SLC16A10: variants seen among roughly 807,000 people sequenced by gnomAD.
The protein encoded by SLC16A10 is monocarboxylate transporter 10.
A neutral mutation model predicts 40.0 loss-of-function variants in SLC16A10; 27 were observed. The observed-to-expected ratio is 0.67, with a 90% CI of 0.50 to 0.93. The LOEUF (loss-of-function observed/expected upper bound fraction) is 0.93. SLC16A10 is among the 40% of genes least tolerant of loss of function. The pLI, the probability that SLC16A10 is intolerant of heterozygous loss-of-function variation, is 0.00. For synonymous variants in SLC16A10, 213 were observed against 249.8 expected (o/e 0.85, Z 1.39); for missense variants, 529 against 658.2 (o/e 0.80, Z 2.15).
At chr6:111,093,363 A>G (rs1191344433) in intron 1 of SLC16A10, among the ~76,000 whole-genome samples, 1 of 152,240 alleles carries the variant, frequency 6.6e-6, no homozygotes, top group African/African-American at 2.4e-5. Flanking sequence ...AGATGGTTAC[A>G]GTCACAAAGT....
intron 1 of SLC16A10, among the ~76,000 whole-genome samples, chr6:111,100,957 TCC>T (rs139750875): frequency 0.52 from 39,844 of 77,036 alleles, 7,990 homozygotes; most frequent in Non-Finnish European, 0.54. Flanking sequence ...GCTCTTTCTC[TCC>T]CTCTCTCTCT....
At position 111,177,389 on chromosome 6, in the gene SLC16A10, G is replaced by C; in HGVS notation, c.666G>C (p.Arg222Ser). The change falls in exon 3 of 6, where the codon AGG becomes AGC. Residue 222 changes from arginine (R) to serine (S), a missense_variant. Transcript: ENST00000368851. ...CAATCCTGCTGCCTTTGCTCTTAAG[G>C]GTTCTGATTGACAGCGTGGGCCTCT... ...VFTILLPLLL[R>S]VLIDSVGLFY... is the part of the protein sequence containing the mutation. 6.2e-7 allele frequency: 1 copy of C among 1,613,948 alleles called. No individual in the cohort carries two copies. The highest frequency in any genetic ancestry group is 1.3e-5 in the African/African-American group (1 of 74,982).
At chr6:111,164,832 C>A (rs1772442117) in intron 1 of SLC16A10, among the ~76,000 whole-genome samples, 2 of 152,154 alleles carry the variant, frequency 1.3e-5, no homozygotes. Context: ...ATCTGACCTG[C>A]ATAATTTAGA....
intron 4 of SLC16A10, among the ~76,000 whole-genome samples, chr6:111,207,283 A>G (rs920547757): frequency 3.3e-5 from 5 of 152,192 alleles, no homozygotes; most frequent in Admixed American, 6.5e-5. Context: ...TGCTTTTTCT[A>G]TGAAGAATGT....
Position 111,117,281 on chromosome 6 carries a change from G to A in SLC16A10, c.343+29186G>A, listed in dbSNP as rs551400326. 2.2e-3 allele frequency among the ~76,000 whole-genome samples: 333 copies of A among 151,546 alleles called. 1 individual carries two copies. Among genetic ancestry groups the A allele is most frequent in the African/African-American group, 7.7e-3 (317 of 41,234 alleles). Reference sequence around the variant, plus strand: ...GCAGGAGAATGGCGTGAACCCGGGAGGCGGAGGTTGCAGTGAGCCCAGATC... The same window carrying A: ...GCAGGAGAATGGCGTGAACCCGGGAAGCGGAGGTTGCAGTGAGCCCAGATC... On this transcript the variant is annotated intron_variant, in intron 1 of 5. Transcript: ENST00000368851.
At chr6:111,216,245 C>A (rs1773419017) in intron 4 of SLC16A10, among the ~76,000 whole-genome samples, 1 of 152,176 alleles carries the variant, frequency 6.6e-6, no homozygotes, top group Non-Finnish European at 1.5e-5. Context: ...AACAATTACT[C>A]ACCACTAAGA....
rs370327858 is a variant in SLC16A10, at chr6:111,087,916, C to T, written c.164C>T (p.Thr55Ile). The T allele has an allele frequency of 8.8e-5, 140 of 1,588,486 alleles. No homozygotes were observed. In the African/African-American group the frequency reaches 1.6e-3, roughly 19 times the overall value. ...GAGGTGGAGCTGGCGGGGCCGGCGA[C>T]CGCGGAGCCCCATGAGCCCCCCGAA... Reference protein sequence around the residue: ...KVEVELAGPATAEPHEPPEPP... With the variant: ...KVEVELAGPAIAEPHEPPEPP... The change falls in exon 1 of 6, where the codon ACC becomes ATC. Residue 55 changes from threonine to isoleucine, a missense_variant. Thr to Ile is a moderately conservative substitution (Grantham distance 89). Coordinates refer to ENST00000368851, the MANE Select transcript of SLC16A10 (RefSeq NM_018593.5).
At chr6:111,158,264 A>G (rs1337787371) in intron 1 of SLC16A10, among the ~76,000 whole-genome samples, 1 of 152,288 alleles carries the variant, frequency 6.6e-6, no homozygotes, top group South Asian at 2.1e-4. Context: ...TGCCATGACA[A>G]TTACAGTGCA....
chr6:111,156,728 A>T (rs1284492027), intron 1 of SLC16A10, among the ~76,000 whole-genome samples: 1 of 152,210 alleles, frequency 6.6e-6, no homozygotes, highest in Non-Finnish European at 1.5e-5. Flanking sequence ...GTTAAAACTG[A>T]GGAAATCTGA....
intron 3 of SLC16A10, among the ~76,000 whole-genome samples, chr6:111,202,476 T>A (rs531372065): frequency 6.6e-6 from 1 of 151,356 alleles, no homozygotes; most frequent in South Asian, 2.1e-4. Flanking sequence ...AAACTCTGTC[T>A]CAAGAAGAAA....
chr6:111,191,860 GTTGT>G (rs1468127526), intron 3 of SLC16A10, among the ~76,000 whole-genome samples: 5 of 152,196 alleles, frequency 3.3e-5, no homozygotes, highest in Admixed American at 3.3e-4. Flanking sequence ...TTTTGATGGG[GTTGT>G]TTGTTTTTTT....
intron 1 of SLC16A10, among the ~76,000 whole-genome samples, chr6:111,144,675 G>T (rs1233959543): frequency 6.6e-6 from 1 of 152,226 alleles, no homozygotes; most frequent in Non-Finnish European, 1.5e-5. Flanking sequence ...ATTGCAGTGA[G>T]GTATGATAAA....
At chr6:111,108,015 A>T (rs1583306405) in intron 1 of SLC16A10, among the ~76,000 whole-genome samples, 1 of 150,522 alleles carries the variant, frequency 6.6e-6, no homozygotes, top group African/African-American at 2.4e-5. Context: ...TTAGGCATTC[A>T]CTTACAGTCT....
intron 1 of SLC16A10, among the ~76,000 whole-genome samples, chr6:111,098,617 G>A (rs989858992): frequency 3.3e-5 from 5 of 151,936 alleles, no homozygotes; most frequent in African/African-American, 9.7e-5. Flanking sequence ...GTGTAGATAA[G>A]TATTAATGCC....
intron 1 of SLC16A10, among the ~76,000 whole-genome samples, chr6:111,165,547 C>T (rs970996886): frequency 6.6e-6 from 1 of 152,152 alleles, no homozygotes; most frequent in Non-Finnish European, 1.5e-5. Context: ...CCTTTTAAAT[C>T]CCTTGTTACC....
intron 2 of SLC16A10, among the ~76,000 whole-genome samples, chr6:111,176,733 C>T (rs1772691245): frequency 6.6e-6 from 1 of 152,216 alleles, no homozygotes. Flanking sequence ...TTTTCTTTTA[C>T]TACCTTGTTT....
At chr6:111,111,085 T>G (rs913534495) in intron 1 of SLC16A10, among the ~76,000 whole-genome samples, 1 of 152,202 alleles carries the variant, frequency 6.6e-6, no homozygotes, top group Admixed American at 6.5e-5. Context: ...TTTAATGCAG[T>G]CTGCTCTAAT....
chr6:111,126,140 G>C (rs1192016544), intron 1 of SLC16A10, among the ~76,000 whole-genome samples: 2 of 152,154 alleles, frequency 1.3e-5, no homozygotes, highest in Non-Finnish European at 2.9e-5. Context: ...TGAAACCTCT[G>C]ATAGGAATTA....
intron 1 of SLC16A10, among the ~76,000 whole-genome samples, chr6:111,113,515 A>C (rs1317085761): frequency 6.6e-6 from 1 of 152,178 alleles, no homozygotes; most frequent in South Asian, 2.1e-4. Flanking sequence ...CTCAAGCTAA[A>C]ACTGGGGTTT....
Sources: gnomAD v4.1 joint callset for allele counts (sites outside exome capture counted in the v4.1 genomes callset) on GRCh38, gnomAD v4.1.1 for gene constraint, MANE v1.5 for transcripts, NCBI Gene and HGNC (gene_info 2026-07-23, HGNC 2026-07-21) for gene names.